Variants in HUWE1 observed in about 807,000 individuals in gnomAD.
HUWE1 encodes E3 ubiquitin-protein ligase HUWE1.
HUWE1 carries 18 observed loss-of-function variants against 299.4 expected under a neutral mutation model. The observed-to-expected ratio is 0.06, with a 90% CI of 0.04 to 0.09. The LOEUF is 0.09. HUWE1 is among the 10% of genes least tolerant of loss of function. HUWE1 has a pLI of 1.00. For missense variants in HUWE1, 1,832 were observed against 3,462.3 expected, an observed-to-expected ratio of 0.53 and a Z score of 11.82; for synonymous variants, 1,317 against 1,286.1, an observed-to-expected ratio of 1.02 and a Z score of -0.51.
In HUWE1 at chrX:53,627,528, GA is replaced by G; in HGVS notation, c.1384-14del. The G allele has an allele frequency of 9.1e-7, 1 of 1,094,747 alleles. No individual in the cohort carries two copies. The highest frequency in any genetic ancestry group is 1.3e-6 in the Non-Finnish European group (1 of 792,938). 90.2% of individuals were successfully genotyped at this position (1,094,747 alleles called of 1,213,427 possible). A position where few individuals can be genotyped will look rare whatever the true frequency, so the allele number is the denominator to read the frequency against. On this transcript the variant is annotated splice_polypyrimidine_tract_variant and intron_variant, in intron 16 of 83. Transcript: ENST00000262854. The stretch of plus-strand genomic sequence containing the variant: ...AATCTACTTCATGCTACAATCAAGA[GA>G]AAGGTTATAAGAAAATCAAGTATAT...
Position 53,575,138 on chromosome X carries a change from G to A in HUWE1, c.6097+17C>T. On this transcript the variant is annotated intron_variant, in intron 46 of 83. Coordinates refer to ENST00000262854, the MANE Select transcript of HUWE1 (RefSeq NM_031407.7). ...CTAAGGAATAAGAACATGGTAGTGAGAAAAGCAAATCATTACCCTCTCCTT... is the reference window on the plus strand; with the variant it reads ...CTAAGGAATAAGAACATGGTAGTGAAAAAAGCAAATCATTACCCTCTCCTT... The A allele has an allele frequency of 8.5e-7, 1 of 1,178,124 alleles. No individual in the cohort carries two copies. Among genetic ancestry groups the A allele is most frequent in the South Asian group, 1.8e-5 (1 of 54,941 alleles).
chrX:53,578,409 C>T (rs1556961927), intron 43 of HUWE1, among the ~76,000 whole-genome samples: 1 of 81,363 alleles, frequency 1.2e-5, no homozygotes, highest in African/African-American at 5.0e-5. Context: ...GTGAGGGGCT[C>T]CTCTGCCCGG....
intron 6 of HUWE1, 137 bp from the exon 7 acceptor site, chrX:53,645,600 G>A: frequency 1.6e-6 from 1 of 623,897 alleles, no homozygotes; most frequent in Non-Finnish European, 2.5e-6. Flanking sequence ...ATAAGTATTT[G>A]TACTCGGGAG....
chrX:53,650,704 T>G (rs1468658580), intron 4 of HUWE1, among the ~76,000 whole-genome samples: 2 of 111,988 alleles, frequency 1.8e-5, no homozygotes, highest in African/African-American at 6.5e-5. Context: ...ATACACAAAG[T>G]GATCAATAAA....
At chrX:53,581,178 C>T in intron 42 of HUWE1, 152 bp from the exon 43 acceptor site, 3 of 488,551 alleles carry the variant, frequency 6.1e-6, no homozygotes, top group African/African-American at 4.8e-5. Flanking sequence ...ATTCAAAAAA[C>T]CTGGCTTATA....
chrX:53,615,868 A>C (rs1049798923), intron 21 of HUWE1, 33 bp from the exon 22 acceptor site: 2 of 1,019,005 alleles, frequency 2.0e-6, no homozygotes, highest in African/African-American at 3.7e-5. Context: ...TAGAATTAGA[A>C]AGACTGAAGA....
intron 19 of HUWE1, among the ~76,000 whole-genome samples, chrX:53,623,311 G>A (rs941944264): frequency 9.0e-6 from 1 of 110,865 alleles, no homozygotes. Context: ...CCCAGAAGAC[G>A]GGCATTCTCC....
chrX:53,615,392 T>C (rs1168474056), intron 22 of HUWE1, among the ~76,000 whole-genome samples: 2 of 109,772 alleles, frequency 1.8e-5, no homozygotes, highest in Non-Finnish European at 3.8e-5. Context: ...CAAACCCGGC[T>C]AACTTTTGTA....
At chrX:53,626,472 T>C (rs782546457) in intron 17 of HUWE1, among the ~76,000 whole-genome samples, 1 of 111,700 alleles carries the variant, frequency 9.0e-6, no homozygotes, top group East Asian at 2.8e-4. Context: ...AAACACTGAA[T>C]GAGCAATGCA....
intron 75 of HUWE1, among the ~76,000 whole-genome samples, chrX:53,539,330 A>AG: frequency 9.5e-6 from 1 of 105,486 alleles, no homozygotes; most frequent in East Asian, 2.9e-4. Context: ...TAAAAAAAAA[A>AG]AAAAAAAAAA....
At chrX:53,554,989 C>CA (rs1462433051) in intron 60 of HUWE1, 69 bp from the exon 61 acceptor site, 1 of 867,228 alleles carries the variant, frequency 1.2e-6, no homozygotes, top group Admixed American at 3.2e-5. Flanking sequence ...CCACCCCAAT[C>CA]AGCAAATGTG....
At chrX:53,663,819 G>A (rs1415145916) in intron 3 of HUWE1, among the ~76,000 whole-genome samples, 1 of 107,881 alleles carries the variant, frequency 9.3e-6, no homozygotes, top group Non-Finnish European at 1.9e-5. Flanking sequence ...TGATTACATT[G>A]TACTCTGTAC....
chrX:53,634,418 C>CAT (rs1446478091), intron 7 of HUWE1, 120 bp from the exon 8 acceptor site: 9 of 530,083 alleles, frequency 1.7e-5, no homozygotes, highest in Non-Finnish European at 3.1e-5. Flanking sequence ...TATACACATA[C>CAT]ATATATATAT....
At chrX:53,671,654 G>A (rs1691756788) in intron 3 of HUWE1, among the ~76,000 whole-genome samples, 1 of 110,326 alleles carries the variant, frequency 9.1e-6, no homozygotes, top group African/African-American at 3.3e-5. Context: ...TTAGCCGGGC[G>A]AGGTGGCAGG....
chrX:53,647,663 T>C, intron 5 of HUWE1, 89 bp from the exon 6 acceptor site: 1 of 679,659 alleles, frequency 1.5e-6, no homozygotes, highest in Non-Finnish European at 2.4e-6. Context: ...AAGAGATTGC[T>C]GAGCATGACA....
At chrX:53,539,320 TAAAAAAAAA>T (rs34154526) in intron 75 of HUWE1, among the ~76,000 whole-genome samples, 4 of 52,845 alleles carry the variant, frequency 7.6e-5, no homozygotes, top group East Asian at 6.6e-4. Flanking sequence ...ATTTCTGATT[TAAAAAAAAA>T]AAAAAAAAAA....
intron 78 of HUWE1, among the ~76,000 whole-genome samples, 181 bp from the exon 79 acceptor site, chrX:53,536,848 C>T (rs1021041790): frequency 9.0e-6 from 1 of 111,619 alleles, no homozygotes; most frequent in South Asian, 3.8e-4. Flanking sequence ...AACAAAAGCA[C>T]CACTGACAGA....
rs782564787 is a variant in HUWE1 at position 53,559,485 on chromosome X, C to T, written c.7784G>A (p.Ser2595Asn). 2 of 1,211,544 alleles carry T rather than the reference C, an allele frequency of 1.7e-6. No homozygotes were observed. Among genetic ancestry groups the T allele is most frequent in the Admixed American group, 4.3e-5 (2 of 46,063 alleles). ...CCGACCCCGGCTTTGTAGGGGAAGG[C>T]TGCTGCTCAGCTGAAGGATGTCAGC... ...AAADILQLSS[S>N]LPLQSRGRAR... Residue 2595 changes from serine (S) to asparagine (N), a missense_variant, in exon 57 of 84, where the codon AGC (serine) becomes AAC (asparagine). By Grantham distance (46) the Ser-to-Asn change is conservative. Coordinates refer to ENST00000262854, the MANE Select transcript of HUWE1 (RefSeq NM_031407.7).
chrX:53,555,512 A>G (rs782281499), intron 60 of HUWE1, among the ~76,000 whole-genome samples: 53 of 110,763 alleles, frequency 4.8e-4, no homozygotes, highest in South Asian at 1.1e-3. Context: ...TATTTAGTAG[A>G]GACAGGGTCT....
Sources: gnomAD v4.1 joint callset for allele counts (sites outside exome capture counted in the v4.1 genomes callset) on GRCh38, gnomAD v4.1.1 for gene constraint, MANE v1.5 for transcripts, NCBI Gene and HGNC (gene_info 2026-07-23, HGNC 2026-07-21) for gene names.